The following CEP112 variants were observed in gnomAD, a reference collection of about 807,000 sequenced individuals.
CEP112 encodes the protein centrosomal protein 112.
A neutral mutation model predicts 153.0 loss-of-function variants in CEP112; 127 were observed. The ratio of observed to expected loss-of-function variants is 0.83; its 90% CI spans 0.72 to 0.96. The LOEUF (loss-of-function observed/expected upper bound fraction) is 0.96. CEP112 is among the 40% of genes least tolerant of loss of function. The pLI is 0.00. For synonymous variants in CEP112, 358 were observed against 374.4 expected, an observed-to-expected ratio of 0.96 and a Z score of 0.51; for missense variants, 1,089 against 1,101.2, an observed-to-expected ratio of 0.99 and a Z score of 0.16.
chr17:66,173,784 C>T (rs1044749034), intron 4 of CEP112, among the ~76,000 whole-genome samples: 6 of 152,226 alleles, frequency 3.9e-5, no homozygotes, highest in Non-Finnish European at 7.3e-5. Flanking sequence ...TAACACCACA[C>T]TTCCTACAGA....
intron 24 of CEP112, among the ~76,000 whole-genome samples, chr17:65,664,351 A>C (rs1174411308): frequency 6.6e-6 from 1 of 152,244 alleles, no homozygotes; most frequent in Non-Finnish European, 1.5e-5. Context: ...GGGAATGCTT[A>C]GAAATAATAT....
At chr17:65,983,634 A>G (rs2063305087) in intron 17 of CEP112, among the ~76,000 whole-genome samples, 1 of 152,078 alleles carries the variant, frequency 6.6e-6, no homozygotes, top group Non-Finnish European at 1.5e-5. Context: ...TCTGTGACAT[A>G]CCTACTCCCC....
intron 21 of CEP112, among the ~76,000 whole-genome samples, chr17:65,762,190 A>C (rs2052656407): frequency 6.6e-6 from 1 of 152,044 alleles, no homozygotes; most frequent in Admixed American, 6.6e-5. Context: ...AATGGCTACC[A>C]TATCCCTGAT....
chr17:65,750,583 G>T, intron 22 of CEP112, 79 bp downstream of exon 22: 1 of 1,191,840 alleles, frequency 8.4e-7, no homozygotes, highest in South Asian at 1.3e-5. Context: ...AGTTTAACTT[G>T]AAAGTGCCAA....
intron 4 of CEP112, among the ~76,000 whole-genome samples, chr17:66,152,621 G>A (rs1264492933): frequency 6.6e-6 from 1 of 152,174 alleles, no homozygotes; most frequent in Non-Finnish European, 1.5e-5. Flanking sequence ...AAAGATAAAA[G>A]ATGGTATATC....
chr17:65,899,893 A>C (rs2143482860), intron 20 of CEP112, among the ~76,000 whole-genome samples: 1 of 152,318 alleles, frequency 6.6e-6, no homozygotes, highest in East Asian at 1.9e-4. Flanking sequence ...GTTCTGCATC[A>C]AACTACAACA....
intron 23 of CEP112, among the ~76,000 whole-genome samples, chr17:65,713,393 T>C (rs916499596): frequency 6.6e-6 from 1 of 152,188 alleles, no homozygotes; most frequent in African/African-American, 2.4e-5. Flanking sequence ...ATATAGCTAA[T>C]GAAAACCTAT....
At chr17:65,752,014 T>TCATCCATCCATCCATC (rs150841318) in intron 21 of CEP112, among the ~76,000 whole-genome samples, 12 of 81,006 alleles carry the variant, frequency 1.5e-4, no homozygotes, top group African/African-American at 6.1e-4. Context: ...ACTGTTCCTT[T>TCATCCATCCATCCATC]CATCCATCCA....
intron 2 of CEP112, among the ~76,000 whole-genome samples, chr17:66,181,641 C>A (rs1358021091): frequency 1.3e-5 from 2 of 152,124 alleles, no homozygotes; most frequent in African/African-American, 4.8e-5. Flanking sequence ...AGGCATGAGC[C>A]ACCGCGCTTG....
chr17:65,660,339 T>C, intron 24 of CEP112, among the ~76,000 whole-genome samples: 1 of 94,630 alleles, frequency 1.1e-5, no homozygotes, highest in Non-Finnish European at 2.1e-5. Context: ...TCTTTCTTTC[T>C]TTTTCTCTCT....
At chr17:65,970,793 T>C (rs866259779) in intron 17 of CEP112, among the ~76,000 whole-genome samples, 1 of 151,866 alleles carries the variant, frequency 6.6e-6, no homozygotes, top group South Asian at 2.1e-4. Context: ...ATAAAATGTA[T>C]ATTGCACATG....
chr17:66,173,903 G>A (rs2072350328), intron 4 of CEP112, among the ~76,000 whole-genome samples: 1 of 151,648 alleles, frequency 6.6e-6, no homozygotes, highest in Non-Finnish European at 1.5e-5. Flanking sequence ...AATTTTATAT[G>A]GACTGGATCT....
chr17:66,061,061 T>C (rs1463189445), intron 11 of CEP112, among the ~76,000 whole-genome samples: 1 of 151,800 alleles, frequency 6.6e-6, no homozygotes, highest in Non-Finnish European at 1.5e-5. Flanking sequence ...AACAACTCAA[T>C]AGCAAAAAAA....
At chr17:66,069,091 T>C (rs959746845) in intron 9 of CEP112, among the ~76,000 whole-genome samples, 1 of 151,584 alleles carries the variant, frequency 6.6e-6, no homozygotes, top group African/African-American at 2.4e-5. Context: ...AATATTAATA[T>C]ATATATATTA....
chr17:65,751,179 A>T (rs950699166), intron 21 of CEP112: 6 of 155,176 alleles, frequency 3.9e-5, no homozygotes, highest in African/African-American at 1.4e-4. Context: ...GATTTTGAGA[A>T]TCACTGAGCA....
Position 66,029,896 on chromosome 17 carries a change from C to T in CEP112, c.1346G>A (p.Cys449Tyr), listed in dbSNP as rs1429248343. 6.2e-7 allele frequency: 1 copy of T among 1,613,692 alleles called. No individual in the cohort carries two copies. The highest frequency in any genetic ancestry group is 8.5e-7 in the Non-Finnish European group (1 of 1,179,810). ...AELERCYQIT[C>Y]SELQEVKARR... ...TGCCTTTACTTCTTGTAATTCACTA[C>T]ACGTTATCTGGTAACATCTTTCAAG... The change falls in exon 13 of 27, where the codon TGT (cysteine) becomes TAT (tyrosine). Residue 449 changes from cysteine to tyrosine, a missense_variant. Cys to Tyr is a radical substitution (Grantham distance 194). Transcript: ENST00000535342.
At position 65,883,263 on chromosome 17, in the gene CEP112, C is replaced by CGTAT. The variant is rs1555694794; in HGVS notation, c.2163+18888_2163+18889insATAC. ...ATTGCAGCTCATGCTAAGAAGTTTA[C>CGTAT]ATATATATATATATATATGAAGTGT... On this transcript the variant is annotated intron_variant, in intron 20 of 26. Coordinates refer to ENST00000535342, the MANE Select transcript of CEP112 (RefSeq NM_001199165.4). Among the ~76,000 whole-genome samples the CGTAT allele has an allele frequency of 2.6e-3, 380 of 146,866 alleles. 2 individuals carry two copies. Among genetic ancestry groups the CGTAT allele is most frequent in the African/African-American group, 8.8e-3 (350 of 39,960 alleles).
chr17:65,781,510 T>G (rs1568004374), intron 21 of CEP112, among the ~76,000 whole-genome samples: 1 of 151,874 alleles, frequency 6.6e-6, no homozygotes, highest in Non-Finnish European at 1.5e-5. Context: ...TGTTATAAAA[T>G]TCATATGGAA....
intron 17 of CEP112, among the ~76,000 whole-genome samples, chr17:65,981,794 C>T (rs1003678862): frequency 9.2e-5 from 14 of 152,080 alleles, no homozygotes; most frequent in Admixed American, 5.9e-4. Context: ...AGGCTGGTCT[C>T]GAACTCCTGA....
Sources: allele counts gnomAD v4.1 joint callset (sites outside exome capture counted in the v4.1 genomes callset), GRCh38; gene constraint gnomAD v4.1.1; transcripts MANE v1.5; gene names NCBI Gene and HGNC (gene_info 2026-07-23, HGNC 2026-07-21).